Variants in TENM3 observed in about 807,000 individuals in gnomAD.
TENM3 encodes the protein teneurin transmembrane protein 3.
TENM3 carries 63 observed loss-of-function variants against 255.1 expected under a neutral mutation model. The ratio of observed to expected loss-of-function variants is 0.25; its 90% confidence interval spans 0.20 to 0.30. The LOEUF (loss-of-function observed/expected upper bound fraction) is 0.30, where lower values mean the gene tolerates loss of function less well. TENM3 is among the 10% of genes least tolerant of loss of function. The probability of loss-of-function intolerance (pLI) is 1.00; values close to 1 mark genes in which losing one functional copy is unlikely to be tolerated. For missense variants in TENM3, 2,929 were observed against 3,461.1 expected (o/e 0.85, Z 3.86); for synonymous variants, 1,306 against 1,322.3 (o/e 0.99, Z 0.27).
At chr4:181,731,343 A>C in the TENM3 span, among the ~76,000 whole-genome samples, 1 of 152,066 alleles carries the variant, frequency 6.6e-6, no homozygotes, top group African/African-American at 2.4e-5. Flanking sequence ...AGCTAAATTC[A>C]ACAAGTTTTT....
the TENM3 span, among the ~76,000 whole-genome samples, chr4:181,571,245 C>T: frequency 6.6e-6 from 1 of 152,156 alleles, no homozygotes; most frequent in East Asian, 1.9e-4. Flanking sequence ...AGAGCAACTA[C>T]ATCCGTTTCC....
chr4:182,245,675 A>T (rs1757590037), intron 1 of TENM3, among the ~76,000 whole-genome samples: 1 of 152,102 alleles, frequency 6.6e-6, no homozygotes, highest in South Asian at 2.1e-4. Context: ...TTATCCCAGG[A>T]TATTGACATG....
intron 1 of TENM3, among the ~76,000 whole-genome samples, chr4:182,171,402 G>C (rs977960871): frequency 8.6e-5 from 13 of 151,940 alleles, no homozygotes; most frequent in Non-Finnish European, 1.0e-4. Context: ...TCTTGTATGA[G>C]CCGAGTGTTG....
At chr4:181,895,584 G>T in the TENM3 span, among the ~76,000 whole-genome samples, 2 of 114,172 alleles carry the variant, frequency 1.8e-5, no homozygotes, top group Non-Finnish European at 3.3e-5. Flanking sequence ...TTGCTCTGTT[G>T]CCCAGGCTGG....
At chr4:182,206,953 C>T (rs927808913) in intron 1 of TENM3, among the ~76,000 whole-genome samples, 1 of 152,198 alleles carries the variant, frequency 6.6e-6, no homozygotes, top group African/African-American at 2.4e-5. Flanking sequence ...TTGCTAATGT[C>T]ACGCACTCAA....
intron 3 of TENM3, among the ~76,000 whole-genome samples, chr4:182,517,019 A>G (rs1738039777): frequency 6.6e-6 from 1 of 152,190 alleles, no homozygotes; most frequent in African/African-American, 2.4e-5. Context: ...AAAAAAAATA[A>G]GGAATTTCAA....
At chr4:182,410,822 A>G (rs1031585975) in intron 3 of TENM3, among the ~76,000 whole-genome samples, 1 of 152,210 alleles carries the variant, frequency 6.6e-6, no homozygotes, top group African/African-American at 2.4e-5. Flanking sequence ...GACATATCAT[A>G]TTGAATTACA....
chr4:182,133,100 G>C, the TENM3 span, among the ~76,000 whole-genome samples: 1 of 152,102 alleles, frequency 6.6e-6, no homozygotes, highest in African/African-American at 2.4e-5. Context: ...AGAAAGACTT[G>C]TTTTTATGCT....
At chr4:182,397,398 TAAAAAAAAAAA>T (rs144177808) in intron 3 of TENM3, among the ~76,000 whole-genome samples, 7 of 48,978 alleles carry the variant, frequency 1.4e-4, no homozygotes, top group African/African-American at 2.0e-4. Context: ...AGACTCCATC[TAAAAAAAAAAA>T]AAAAAAAAAA....
At chr4:182,730,523 G>T (rs921822457) in intron 15 of TENM3, among the ~76,000 whole-genome samples, 10 of 152,104 alleles carry the variant, frequency 6.6e-5, no homozygotes, top group Non-Finnish European at 1.5e-4. Context: ...ATTTTCTAAG[G>T]CATGGTAATA....
chr4:182,060,843 G>C, the TENM3 span, among the ~76,000 whole-genome samples: 3 of 152,132 alleles, frequency 2.0e-5, no homozygotes, highest in African/African-American at 7.2e-5. Flanking sequence ...ACAATGATTT[G>C]AAATATTATA....
At chr4:182,466,605 T>G (rs554936218) in intron 3 of TENM3, among the ~76,000 whole-genome samples, 4 of 152,286 alleles carry the variant, frequency 2.6e-5, no homozygotes, top group Admixed American at 2.6e-4. Context: ...GTGCTGGGAT[T>G]ACAGGTGTGA....
At position 182,274,146 on chromosome 4, in the gene TENM3, C is replaced by T. The variant is rs141104519; in HGVS notation, c.-76+30670C>T. ...CAAAGAAAGTAGAAAATGCTAACAT[C>T]ACGGTAGTAGCATGAGAAGAAACTT... is the stretch of plus-strand genomic sequence containing the variant. On this transcript the variant is annotated intron_variant, in intron 1 of 27. Coordinates refer to ENST00000511685, the MANE Select transcript of TENM3 (RefSeq NM_001080477.4). 4.2e-4 allele frequency among the ~76,000 whole-genome samples: 64 copies of T among 152,284 alleles called. No individual in the cohort carries two copies. In the East Asian group the frequency reaches 0.012, roughly 29 times the overall value.
At chr4:182,476,084 A>G (rs1027925814) in intron 3 of TENM3, among the ~76,000 whole-genome samples, 8 of 152,202 alleles carry the variant, frequency 5.3e-5, no homozygotes, top group African/African-American at 1.7e-4. Flanking sequence ...TTGCCATTCC[A>G]AAGTAAGTCC....
the TENM3 span, among the ~76,000 whole-genome samples, chr4:181,499,094 C>T: frequency 1.3e-5 from 2 of 152,094 alleles, no homozygotes; most frequent in Non-Finnish European, 2.9e-5. Flanking sequence ...GATTTCAGTT[C>T]CCAATAATAG....
chr4:181,521,982 T>C, the TENM3 span, among the ~76,000 whole-genome samples: 2 of 151,528 alleles, frequency 1.3e-5, no homozygotes, highest in African/African-American at 2.4e-5. Context: ...GCGCCTGTAG[T>C]CCCAGCTACT....
At chr4:182,135,658 T>C in the TENM3 span, among the ~76,000 whole-genome samples, 4 of 152,370 alleles carry the variant, frequency 2.6e-5, no homozygotes, top group South Asian at 4.1e-4. Flanking sequence ...GAAAATAGCA[T>C]ATGACCACGA....
chr4:181,493,676 G>T, the TENM3 span, among the ~76,000 whole-genome samples: 2 of 151,652 alleles, frequency 1.3e-5, no homozygotes, highest in Non-Finnish European at 2.9e-5. Flanking sequence ...GCCAAGAGGC[G>T]CAGGATACAG....
chr4:182,765,659 C>T (rs1050392903), intron 22 of TENM3, among the ~76,000 whole-genome samples: 8 of 152,158 alleles, frequency 5.3e-5, no homozygotes, highest in African/African-American at 1.9e-4. Flanking sequence ...CATTGACACT[C>T]ATGAGATGAA....
Sources: gnomAD v4.1 joint callset for allele counts (sites outside exome capture counted in the v4.1 genomes callset) on GRCh38, gnomAD v4.1.1 for gene constraint, MANE v1.5 for transcripts, NCBI Gene and HGNC (gene_info 2026-07-23, HGNC 2026-07-21) for gene names.